The following ZNF148 variants were observed in gnomAD, a reference collection of about 807,000 sequenced individuals.
The protein encoded by ZNF148 is zinc finger protein 148, also known as Beta-Enolase Repressor Factor-1.
A neutral mutation model predicts 67.7 loss-of-function variants in ZNF148; 7 were observed. The ratio of observed to expected loss-of-function variants is 0.10; its 90% CI spans 0.06 to 0.19. The LOEUF (loss-of-function observed/expected upper bound fraction) is 0.19. Among genes scored for constraint, ZNF148 ranks in the 10% least tolerant of loss-of-function variants. The pLI is 1.00. For synonymous variants in ZNF148, 333 were observed against 330.7 expected (o/e 1.01, Z -0.08); for missense variants, 583 against 947.1 (o/e 0.62, Z 5.05).
intron 4 of ZNF148, among the ~76,000 whole-genome samples, chr3:125,311,653 C>CA (rs1037091686): frequency 6.0e-5 from 9 of 149,616 alleles, no homozygotes; most frequent in East Asian, 5.8e-4. Context: ...AATGATACAC[C>CA]AAAAAAAAGG....
At chr3:125,336,923 C>T (rs1941521675) in intron 1 of ZNF148, among the ~76,000 whole-genome samples, 3 of 151,468 alleles carry the variant, frequency 2.0e-5, no homozygotes, top group Non-Finnish European at 2.9e-5. Flanking sequence ...GATCCACCCG[C>T]CGTGGCCTCC....
chr3:125,314,321 A>T (rs1370169812), intron 3 of ZNF148, among the ~76,000 whole-genome samples: 1 of 152,212 alleles, frequency 6.6e-6, no homozygotes, highest in Non-Finnish European at 1.5e-5. Context: ...TTGAACAAGG[A>T]ATTCTACATT....
intron 1 of ZNF148, among the ~76,000 whole-genome samples, chr3:125,353,862 C>T (rs986133182): frequency 1.5e-4 from 23 of 151,990 alleles, no homozygotes; most frequent in African/African-American, 5.6e-4. Flanking sequence ...TCACGTGAGC[C>T]TAGGAGTTTG....
rs1334585361 is a variant in ZNF148, at chr3:125,227,870, T to C, written c.*4471A>G. 2.6e-5 allele frequency: 4 copies of C among 152,602 alleles called. No individual in the cohort carries two copies. The highest frequency in any genetic ancestry group is 9.7e-5 in the African/African-American group (4 of 41,446). 9.5% of individuals were successfully genotyped at this position (152,602 alleles called of 1,614,324 possible). A position where few individuals can be genotyped will look rare whatever the true frequency, so the allele number is the denominator to read the frequency against. On this transcript the variant is annotated 3_prime_UTR_variant, in exon 9 of 9. Transcript: ENST00000360647. ...CCTATAAAATGTAGGTCATATACAT[T>C]TATAAATTGGCGGTTTTATTTCTAA...
intron 4 of ZNF148, among the ~76,000 whole-genome samples, chr3:125,300,106 G>A (rs756471768): frequency 6.6e-6 from 1 of 151,926 alleles, no homozygotes; most frequent in Non-Finnish European, 1.5e-5. Flanking sequence ...TGAGTAGCTG[G>A]GATTACAGGC....
In ZNF148 at chr3:125,280,830, G is replaced by T. The variant is rs66730904; in HGVS notation, c.460-1583C>A. Among the ~76,000 whole-genome samples, 11 of 150,258 alleles carry T rather than the reference G, an allele frequency of 7.3e-5. No homozygotes were observed. The East Asian group carries it at 2.1e-3, about 29-fold the overall frequency. On this transcript the variant is annotated intron_variant, in intron 5 of 8. Coordinates refer to ENST00000360647, the MANE Select transcript of ZNF148 (RefSeq NM_021964.3). ...AAACTAGAAGATCTGATCAGGAGGG[G>T]TATGGCCAGTGAGAGGGAAACAATG...
rs950987262 is a variant in ZNF148, at chr3:125,231,140, T to C, written c.*1201A>G. ...ACACTTTTGGTTTGTAAAGTTGTAA[T>C]GAGCAGTGTTCATTAAAAAGTAACT... On this transcript the variant is annotated 3_prime_UTR_variant, in exon 9 of 9. Coordinates refer to ENST00000360647, the MANE Select transcript of ZNF148 (RefSeq NM_021964.3). 2 of 152,550 alleles carry C rather than the reference T, an allele frequency of 1.3e-5. No individual in the cohort carries two copies. Among genetic ancestry groups the C allele is most frequent in the African/African-American group, 4.8e-5 (2 of 41,458 alleles). 9.4% of individuals were successfully genotyped at this position (152,550 alleles called of 1,614,324 possible). A position where few individuals can be genotyped will look rare whatever the true frequency, so the allele number is the denominator to read the frequency against.
chr3:125,302,543 T>C (rs1436300082), intron 4 of ZNF148, among the ~76,000 whole-genome samples: 1 of 152,216 alleles, frequency 6.6e-6, no homozygotes, highest in African/African-American at 2.4e-5. Flanking sequence ...TGCAAACACT[T>C]TGCAAATTCT....
chr3:125,357,036 G>A (rs1201941613), intron 1 of ZNF148: 2 of 152,222 alleles, frequency 1.3e-5, no homozygotes, highest in African/African-American at 4.8e-5. Context: ...TGTAAAAGAG[G>A]AATAAGAAGA....
At position 125,233,455 on chromosome 3, in the gene ZNF148, T is replaced by C; in HGVS notation, c.1271A>G (p.Lys424Arg). 1 of 1,613,924 alleles carries C rather than the reference T, an allele frequency of 6.2e-7. No homozygotes were observed. The highest frequency in any genetic ancestry group is 8.5e-7 in the Non-Finnish European group (1 of 1,179,914). Residue 424 changes from lysine to arginine, a missense_variant, in exon 9 of 9, where the codon AAG becomes AGG. By Grantham distance (26) the Lys-to-Arg change is conservative. Coordinates refer to ENST00000360647, the MANE Select transcript of ZNF148 (RefSeq NM_021964.3). The surrounding 1 kb of genome is among the most constrained non-coding windows in gnomAD (Gnocchi z 5.1). ...TTTATCCACAAGTTCAAAAGCATAC[T>C]TTGAAACTTTGCTCTCTTCATATGT... is the stretch of plus-strand genomic sequence containing the variant. Reference protein sequence around the residue: ...LSTYEESKVSKYAFELVDKQA... With the variant: ...LSTYEESKVSRYAFELVDKQA...
At chr3:125,234,090 A>G in intron 8 of ZNF148, 121 bp downstream of exon 8, 1 of 1,251,870 alleles carries the variant, frequency 8.0e-7, no homozygotes, top group Non-Finnish European at 1.1e-6. Flanking sequence ...TCTATTATAA[A>G]TCTAATCTGT....
At chr3:125,353,560 G>A (rs370647114) in intron 1 of ZNF148, among the ~76,000 whole-genome samples, 1 of 152,016 alleles carries the variant, frequency 6.6e-6, no homozygotes, top group Non-Finnish European at 1.5e-5. Flanking sequence ...GGGTACACAG[G>A]ACTATGTACT....
At chr3:125,344,712 T>C (rs1263327032) in intron 1 of ZNF148, 2 of 602,038 alleles carry the variant, frequency 3.3e-6, no homozygotes, top group African/African-American at 3.7e-5. Context: ...TGGGTGCCAC[T>C]TCAGTGCCAG....
chr3:125,308,334 A>C (rs1940002412), intron 4 of ZNF148, among the ~76,000 whole-genome samples: 1 of 152,176 alleles, frequency 6.6e-6, no homozygotes, highest in African/African-American at 2.4e-5. Context: ...CTTAAGGATA[A>C]AATTAACAAA....
At chr3:125,297,129 T>TA (rs779220293) in intron 4 of ZNF148, among the ~76,000 whole-genome samples, 1 of 59,100 alleles carries the variant, frequency 1.7e-5, no homozygotes, top group African/African-American at 9.1e-5. Flanking sequence ...TACCATTAAT[T>TA]AAAAAAAATA....
chr3:125,329,491 A>G (rs1941189182), intron 2 of ZNF148, among the ~76,000 whole-genome samples: 1 of 151,120 alleles, frequency 6.6e-6, no homozygotes, highest in Non-Finnish European at 1.5e-5. Flanking sequence ...CCTCCCGAGT[A>G]GCTGGGGTAA....
intron 7 of ZNF148, among the ~76,000 whole-genome samples, chr3:125,237,595 C>T (rs565320345): frequency 8.6e-5 from 13 of 151,942 alleles, no homozygotes; most frequent in African/African-American, 2.9e-4. Flanking sequence ...AAAAATTAAA[C>T]TAAATTTAAA....
chr3:125,335,203 T>C (rs1247362794), intron 1 of ZNF148, among the ~76,000 whole-genome samples: 1 of 152,240 alleles, frequency 6.6e-6, no homozygotes, highest in East Asian at 1.9e-4. Context: ...TTGTCTGTTT[T>C]ATCCACTGAC....
intron 1 of ZNF148, chr3:125,344,454 A>G (rs1290626010): frequency 1.0e-6 from 1 of 960,648 alleles, no homozygotes; most frequent in African/African-American, 1.6e-5. Context: ...GTCTTCAAAG[A>G]AGTCAAATAA....
Sources: gnomAD v4.1 joint callset for allele counts (sites outside exome capture counted in the v4.1 genomes callset) on GRCh38, gnomAD v4.1.1 for gene constraint, Gnocchi (gnomAD v3.1) non-coding constraint, MANE v1.5 for transcripts, NCBI Gene and HGNC (gene_info 2026-07-23, HGNC 2026-07-21) for gene names.